Variants in APIP observed in about 807,000 individuals in gnomAD.
APIP encodes methylthioribulose-1-phosphate dehydratase.
APIP carries 32 observed loss-of-function variants against 32.0 expected under a neutral mutation model. The ratio of observed to expected loss-of-function variants is 1.00; its 90% CI spans 0.76 to 1.34. The LOEUF is 1.34. Ranked by LOEUF, APIP falls within the 40% of genes most tolerant of loss-of-function variation. The pLI is 0.00. For missense variants in APIP, 247 were observed against 298.6 expected (o/e 0.83, Z 1.27); for synonymous variants, 92 against 94.8 (o/e 0.97, Z 0.17).
intron 3 of APIP, among the ~76,000 whole-genome samples, chr11:34,889,135 C>T (rs1043392015): frequency 9.2e-5 from 14 of 151,762 alleles, no homozygotes; most frequent in Non-Finnish European, 1.9e-4. Flanking sequence ...AAAATATTCT[C>T]AGAAGTTTAA....
At chr11:34,890,602 C>A in intron 2 of APIP, 50 bp from the exon 3 acceptor site, 1 of 1,595,298 alleles carries the variant, frequency 6.3e-7, no homozygotes, top group Non-Finnish European at 8.6e-7. Context: ...CCTGCTTTTG[C>A]ACAAAGAAAA....
chr11:34,914,343 A>G lies in APIP; in HGVS notation c.57+1885T>C, dbSNP rs138594558. 9.2e-5 allele frequency among the ~76,000 whole-genome samples: 14 copies of G among 152,296 alleles called. No homozygotes were observed. In the East Asian group the frequency reaches 2.5e-3, roughly 27 times the overall value. Reference sequence around the variant, plus strand: ...CTGGCACATAGTAGGCGCTCACTAAATATTCGTTGAATTAATCACTTACAG... The same window carrying G: ...CTGGCACATAGTAGGCGCTCACTAAGTATTCGTTGAATTAATCACTTACAG... On this transcript the variant is annotated intron_variant, in intron 1 of 6. Transcript: ENST00000395787.
intron 1 of APIP, among the ~76,000 whole-genome samples, chr11:34,915,614 G>A (rs1349695736): frequency 6.6e-6 from 1 of 152,158 alleles, no homozygotes; most frequent in Non-Finnish European, 1.5e-5. Context: ...CCATAAAACT[G>A]TTGGTTTGTG....
chr11:34,886,084 T>C (rs1853066269), intron 5 of APIP, among the ~76,000 whole-genome samples: 1 of 152,180 alleles, frequency 6.6e-6, no homozygotes, highest in Non-Finnish European at 1.5e-5. Flanking sequence ...TCTACTTATA[T>C]GGTTTTTAAA....
intron 1 of APIP, chr11:34,896,928 G>A: frequency 1.4e-6 from 1 of 692,936 alleles, no homozygotes; most frequent in South Asian, 1.5e-5. Context: ...ACATAAACTG[G>A]AGACCCCACT....
At chr11:34,909,334 C>T (rs145965742) in intron 1 of APIP, among the ~76,000 whole-genome samples, 383 of 152,142 alleles carry the variant, frequency 2.5e-3, no homozygotes, top group African/African-American at 8.8e-3. Flanking sequence ...AAAGAATTCA[C>T]ACTCTGGGGA....
chr11:34,882,637 T>A lies in APIP; in HGVS notation c.*80A>T, dbSNP rs1590699576. 1 of 1,129,004 alleles carries A rather than the reference T, an allele frequency of 8.9e-7. No individual in the cohort carries two copies. 69.9% of individuals were successfully genotyped at this position (1,129,004 alleles called of 1,614,324 possible). A position where few individuals can be genotyped will look rare whatever the true frequency, so the allele number is the denominator to read the frequency against. ...TTAGTAGCATCATGAAAAATTTCAATTCATTTAAAAAAATAGCTTTCATTT... is the reference window on the plus strand; with the variant it reads ...TTAGTAGCATCATGAAAAATTTCAAATCATTTAAAAAAATAGCTTTCATTT... On this transcript the variant is annotated 3_prime_UTR_variant, in exon 7 of 7. Transcript: ENST00000395787.
chr11:34,906,604 A>G (rs1960524), intron 1 of APIP, among the ~76,000 whole-genome samples: 121,400 of 152,160 alleles, frequency 0.8, 48,630 homozygotes, highest in East Asian at 0.83. Flanking sequence ...CTTTCACCAC[A>G]GTAGCAGCAC....
chr11:34,914,172 T>C (rs1200865902), intron 1 of APIP, among the ~76,000 whole-genome samples: 7 of 152,354 alleles, frequency 4.6e-5, no homozygotes, highest in South Asian at 4.1e-4. Context: ...CCTTGAACTT[T>C]CCCATCTAAG....
chr11:34,908,400 T>C (rs1853490174), intron 1 of APIP, among the ~76,000 whole-genome samples: 1 of 152,266 alleles, frequency 6.6e-6, no homozygotes, highest in Non-Finnish European at 1.5e-5. Context: ...ACAGTAAAGA[T>C]GAGTCATACT....
At chr11:34,887,043 T>C (rs1201890440) in intron 5 of APIP, among the ~76,000 whole-genome samples, 4 of 152,180 alleles carry the variant, frequency 2.6e-5, no homozygotes, top group Non-Finnish European at 5.9e-5. Flanking sequence ...CCAGCTTTCA[T>C]TGCCTTTCTT....
intron 1 of APIP, among the ~76,000 whole-genome samples, chr11:34,913,992 T>C (rs1209997518): frequency 6.6e-6 from 1 of 152,188 alleles, no homozygotes; most frequent in East Asian, 1.9e-4. Flanking sequence ...ACACACCATG[T>C]CTGTAATCAA....
chr11:34,893,526 A>G (rs1853213604), intron 2 of APIP, among the ~76,000 whole-genome samples: 1 of 152,224 alleles, frequency 6.6e-6, no homozygotes, highest in South Asian at 2.1e-4. Flanking sequence ...TGAATAGGCC[A>G]TCTTGAAAGT....
intron 1 of APIP, among the ~76,000 whole-genome samples, chr11:34,897,998 C>T (rs1011108640): frequency 1.3e-5 from 2 of 152,028 alleles, no homozygotes; most frequent in African/African-American, 4.8e-5. Context: ...GAGCTTCTTT[C>T]TTCTTTCTTA....
rs966852443 is a variant in APIP, at chr11:34,882,561, T to A, written c.*156A>T. On this transcript the variant is annotated 3_prime_UTR_variant, in exon 7 of 7. Coordinates refer to ENST00000395787, the MANE Select transcript of APIP (RefSeq NM_015957.4). ...ATTATAAGAATATAAGCAAATAACA[T>A]CCAATGTCAGAAGAGATTCAGGGTG... 4.1e-6 allele frequency: 2 copies of A among 485,248 alleles called. No individual in the cohort carries two copies. Among genetic ancestry groups the A allele is most frequent in the African/African-American group, 2.0e-5 (1 of 49,672 alleles). The allele number at this position is 485,248 out of a possible 1,614,324, so 30.1% of individuals were successfully genotyped here. A position where few individuals can be genotyped will look rare whatever the true frequency, so the allele number is the denominator to read the frequency against.
In APIP at chr11:34,916,296, G is replaced by C; in HGVS notation, c.-12C>G. 1 of 1,611,610 alleles carries C rather than the reference G, an allele frequency of 6.2e-7. No homozygotes were observed. Among genetic ancestry groups the C allele is most frequent in the Non-Finnish European group, 8.5e-7 (1 of 1,179,156 alleles). On this transcript the variant is annotated 5_prime_UTR_variant, in exon 1 of 7. Coordinates refer to ENST00000395787, the MANE Select transcript of APIP (RefSeq NM_015957.4). ...TCACAGCCAGACATGGCCCAGACCAGGGACCCGCGCGGCCTCCAATCTCCG... is the reference window on the plus strand; with the variant it reads ...TCACAGCCAGACATGGCCCAGACCACGGACCCGCGCGGCCTCCAATCTCCG...
Position 34,890,522 on chromosome 11 carries a change from C to T in APIP, c.189G>A (p.Val63=), listed in dbSNP as rs775667433. 2.4e-5 allele frequency: 38 copies of T among 1,609,850 alleles called. No homozygotes were observed. The highest frequency in any genetic ancestry group is 4.4e-5 in the South Asian group (4 of 90,522). Residue 63 remains valine, a synonymous_variant, in exon 3 of 7, where the codon GTG becomes GTA. Transcript: ENST00000395787. ...ACCATACCTGAATTCGTTCCTTTTG[C>T]ACTCCTGAAGGAGCAATGTAGATTT... The part of the protein sequence containing the change: ...GDEIYIAPSG[V]QKERIQPEDM...
intron 1 of APIP, among the ~76,000 whole-genome samples, chr11:34,912,716 C>T (rs2956118): frequency 0.79 from 120,291 of 152,182 alleles, 47,709 homozygotes; most frequent in East Asian, 0.83. Context: ...GACTTGAACA[C>T]TGGACTCCAA....
rs922771501 is a variant in APIP at position 34,889,317 on chromosome 11, T to C, written c.208-448A>G. ...TATAAAGAAATCGACATTCCAAAGA[T>C]GGGTGTTAAAATTTTTTTCCCCACA... On this transcript the variant is annotated intron_variant, in intron 3 of 6. Transcript: ENST00000395787. Among the ~76,000 whole-genome samples the C allele has an allele frequency of 9.6e-4, 146 of 152,140 alleles. 1 individual carries two copies. The highest frequency in any genetic ancestry group is 3.3e-3 in the African/African-American group (139 of 41,576).
Sources: allele counts gnomAD v4.1 joint callset (sites outside exome capture counted in the v4.1 genomes callset), GRCh38; gene constraint gnomAD v4.1.1; transcripts MANE v1.5; gene names NCBI Gene and HGNC (gene_info 2026-07-23, HGNC 2026-07-21).